Variants in TRHDE observed in about 807,000 individuals in gnomAD.
TRHDE encodes the protein thyrotropin-releasing hormone-degrading ectoenzyme.
TRHDE carries 72 observed loss-of-function variants against 125.7 expected under a neutral mutation model. That is an observed-to-expected ratio of 0.57 (90% confidence interval 0.47 to 0.70). The LOEUF (loss-of-function observed/expected upper bound fraction) is 0.70, where lower values mean the gene tolerates loss of function less well. Ranked by LOEUF, TRHDE falls within the 30% of genes least tolerant of loss-of-function variation. The probability of loss-of-function intolerance (pLI) is 0.00; values close to 1 mark genes in which losing one functional copy is unlikely to be tolerated. For synonymous variants in TRHDE, 509 were observed against 509.1 expected (o/e 1.00, Z 0.00); for missense variants, 1,110 against 1,327.1 (o/e 0.84, Z 2.54).
chr12:72,314,657 C>T (rs531337780), intron 2 of TRHDE, among the ~76,000 whole-genome samples: 1 of 152,092 alleles, frequency 6.6e-6, no homozygotes, highest in Non-Finnish European at 1.5e-5. Flanking sequence ...GAGTGCCTCC[C>T]TTTGGACCTA....
chr12:72,236,967 G>T (rs982592827), intron 2 of TRHDE, among the ~76,000 whole-genome samples: 13 of 152,030 alleles, frequency 8.6e-5, no homozygotes, highest in Admixed American at 2.6e-4. Flanking sequence ...TTTAAAATTT[G>T]GTTTAGATGG....
Position 72,366,056 on chromosome 12 carries a change from G to A in TRHDE, c.1189-11939G>A, listed in dbSNP as rs577998864. ...ATCGTATTGCCTTCTCCTCTTCGGA[G>A]GTCCAACGAACTCTTTCTGCCTCCC... On this transcript the variant is annotated intron_variant, in intron 2 of 18. Transcript: ENST00000261180. 1.3e-3 allele frequency among the ~76,000 whole-genome samples: 201 copies of A among 152,064 alleles called. 2 individuals carry two copies. Among genetic ancestry groups the A allele is most frequent in the African/African-American group, 4.6e-3 (189 of 41,446 alleles).
intron 12 of TRHDE, among the ~76,000 whole-genome samples, chr12:72,592,780 G>T (rs992939139): frequency 2.0e-5 from 3 of 150,714 alleles, no homozygotes; most frequent in Non-Finnish European, 2.9e-5. Flanking sequence ...GTGCGATCTC[G>T]GCTCACTGCA....
At chr12:72,627,869 G>T (rs1873327479) in intron 15 of TRHDE, among the ~76,000 whole-genome samples, 1 of 149,954 alleles carries the variant, frequency 6.7e-6, no homozygotes, top group African/African-American at 2.5e-5. Flanking sequence ...TTTTGAGACA[G>T]GGTCTCACTA....
rs1466239770 is a variant in TRHDE at position 72,668,564 on chromosome 12, T to C, written c.*5369T>C. 6.6e-6 allele frequency: 1 copy of C among 151,888 alleles called. No individual in the cohort carries two copies. Among genetic ancestry groups the C allele is most frequent in the Non-Finnish European group, 1.5e-5 (1 of 67,850 alleles). The allele number at this position is 151,888 out of a possible 1,614,324, so 9.4% of individuals were successfully genotyped here. ...AAGAAAACAAAATGACTGATTCTTT[T>C]GTTTTGAATTAAATGTTTGTGCTGT... On this transcript the variant is annotated 3_prime_UTR_variant, in exon 19 of 19. Transcript: ENST00000261180.
At position 72,575,238 on chromosome 12, in the gene TRHDE, A is replaced by C; in HGVS notation, c.2132-17A>C. On this transcript the variant is annotated splice_polypyrimidine_tract_variant and intron_variant, in intron 10 of 18. Coordinates refer to ENST00000261180, the MANE Select transcript of TRHDE (RefSeq NM_013381.3). ...ACTCTTAAAGTTTGAAATCTATCCCAAAAATGCTTTTTTCAGAGCACCACA... is the reference window on the plus strand; with the variant it reads ...ACTCTTAAAGTTTGAAATCTATCCCCAAAATGCTTTTTTCAGAGCACCACA... The C allele has an allele frequency of 6.2e-7, 1 of 1,609,428 alleles. No individual in the cohort carries two copies. The highest frequency in any genetic ancestry group is 8.5e-7 in the Non-Finnish European group (1 of 1,178,668).
At chr12:72,104,962 C>T (rs1051634542) in intron 1 of TRHDE, among the ~76,000 whole-genome samples, 1 of 152,126 alleles carries the variant, frequency 6.6e-6, no homozygotes, top group African/African-American at 2.4e-5. Context: ...AGAGTTGGGA[C>T]CATGGCTGTT....
intron 6 of TRHDE, among the ~76,000 whole-genome samples, chr12:72,540,103 G>A (rs1869067988): frequency 6.6e-6 from 1 of 151,684 alleles, no homozygotes; most frequent in African/African-American, 2.4e-5. Flanking sequence ...GTATATGTTG[G>A]CTAAACCATG....
intron 2 of TRHDE, among the ~76,000 whole-genome samples, chr12:72,227,485 T>A (rs992447294): frequency 1.3e-5 from 2 of 152,186 alleles, no homozygotes; most frequent in African/African-American, 4.8e-5. Context: ...GTCCCTCCCA[T>A]GACATGTGGG....
chr12:72,354,446 C>A (rs554367139), intron 2 of TRHDE, among the ~76,000 whole-genome samples: 2 of 151,020 alleles, frequency 1.3e-5, no homozygotes, highest in Non-Finnish European at 3.0e-5. Context: ...TCTTAATGGG[C>A]AGAAATTTAG....
intron 2 of TRHDE, among the ~76,000 whole-genome samples, chr12:72,309,211 A>G (rs534147193): frequency 1.3e-5 from 2 of 152,240 alleles, no homozygotes; most frequent in South Asian, 4.1e-4. Context: ...TTTGAGGTAG[A>G]AGGCAGATGG....
At chr12:72,430,316 TACATGTATACATATATAC>T (rs1565738184) in intron 3 of TRHDE, among the ~76,000 whole-genome samples, 3 of 143,446 alleles carry the variant, frequency 2.1e-5, no homozygotes, top group African/African-American at 7.7e-5. Flanking sequence ...TATGTATATA[TACATGTATACATATATAC>T]ATGTATATAT....
chr12:72,239,365 T>C (rs1034891580), intron 2 of TRHDE, among the ~76,000 whole-genome samples: 1 of 152,238 alleles, frequency 6.6e-6, no homozygotes, highest in African/African-American at 2.4e-5. Context: ...TAGTTTCTTT[T>C]GCTGTGCTGA....
Position 72,618,962 on chromosome 12 carries a change from C to T in TRHDE, c.2393C>T (p.Pro798Leu). 2 of 1,601,296 alleles carry T rather than the reference C, an allele frequency of 1.2e-6. No homozygotes were observed. The highest frequency in any genetic ancestry group is 1.7e-6 in the Non-Finnish European group (2 of 1,173,438). The change falls in exon 13 of 19, where the codon CCT (proline) becomes CTT (leucine). Residue 798 changes from proline to leucine, a missense_variant. Coordinates refer to ENST00000261180, the MANE Select transcript of TRHDE (RefSeq NM_013381.3). ...RYLSEEKDFL[P>L]WHAASRALYP... ...CTGTCTGAGGAGAAGGATTTTCTTC[C>T]TTGGCATGCTGCCAGCCGAGCTCTT...
chr12:72,615,722 G>A (rs1872788416), intron 12 of TRHDE, among the ~76,000 whole-genome samples: 1 of 152,078 alleles, frequency 6.6e-6, no homozygotes, highest in African/African-American at 2.4e-5. Flanking sequence ...CATTAAAGAA[G>A]CTTAACTGCT....
At chr12:72,575,771 G>C (rs931823001) in intron 12 of TRHDE, among the ~76,000 whole-genome samples, 1 of 152,020 alleles carries the variant, frequency 6.6e-6, no homozygotes, top group Non-Finnish European at 1.5e-5. Context: ...TCACCACAAG[G>C]TCGATTTAAC....
chr12:72,578,399 A>G (rs1408523530), intron 12 of TRHDE, among the ~76,000 whole-genome samples: 2 of 152,176 alleles, frequency 1.3e-5, no homozygotes, highest in Admixed American at 6.5e-5. Context: ...CGCCCATTAC[A>G]TGAAATTTCT....
At chr12:72,419,409 A>C (rs1873860168) in intron 3 of TRHDE, among the ~76,000 whole-genome samples, 1 of 152,148 alleles carries the variant, frequency 6.6e-6, no homozygotes, top group African/African-American at 2.4e-5. Context: ...ATGGTTCTGC[A>C]AGCTGTACAA....
chr12:72,416,362 G>T (rs1451990461), intron 3 of TRHDE, among the ~76,000 whole-genome samples: 2 of 151,830 alleles, frequency 1.3e-5, no homozygotes, highest in Non-Finnish European at 2.9e-5. Context: ...TTTGTTGATT[G>T]TTTCCTTTGC....
Sources: gnomAD v4.1 joint callset for allele counts (sites outside exome capture counted in the v4.1 genomes callset) on GRCh38, gnomAD v4.1.1 for gene constraint, MANE v1.5 for transcripts, NCBI Gene and HGNC (gene_info 2026-07-23, HGNC 2026-07-21) for gene names.